Variants in PPCS observed in about 807,000 individuals in gnomAD.
PPCS encodes the protein phosphopantothenoylcysteine synthetase, also known as phosphopantothenate--cysteine ligase.
Under a neutral mutation model 24.6 loss-of-function variants are expected in PPCS, and 17 were observed. The ratio of observed to expected loss-of-function variants is 0.69; its 90% CI spans 0.47 to 1.04. The LOEUF is 1.04. Ranked by LOEUF, PPCS falls within the 50% of genes least tolerant of loss-of-function variation. The probability of loss-of-function intolerance (pLI) is 0.00; values close to 1 mark genes in which losing one functional copy is unlikely to be tolerated. For missense variants in PPCS, 360 were observed against 402.8 expected, an observed-to-expected ratio of 0.89 and a Z score of 0.91; for synonymous variants, 190 against 168.3, an observed-to-expected ratio of 1.13 and a Z score of -1.00.
In PPCS at chr1:42,456,802, G is replaced by T. The variant is rs756579479; in HGVS notation, c.237G>T (p.Gly79=). ...AGGCCTTCCTAGCCGCCGGCTACGG[G>T]GTCCTGTTCTTGTATCGCGCTCGCT... The part of the protein sequence containing the change: ...SAEAFLAAGY[G]VLFLYRARSA... Residue 79 remains glycine (G), a synonymous_variant, in exon 1 of 3, where the codon GGG becomes GGT. Coordinates refer to ENST00000372561, the MANE Select transcript of PPCS (RefSeq NM_024664.4). The T allele has an allele frequency of 5.0e-6, 8 of 1,613,338 alleles. No homozygotes were observed. In the South Asian group the frequency reaches 5.5e-5, roughly 11 times the overall value.
chr1:42,468,398 A>G (rs6600404), intron 2 of PPCS, among the ~76,000 whole-genome samples: 30,477 of 152,036 alleles, frequency 0.2, 3,333 homozygotes, highest in South Asian at 0.42. Context: ...AGGAGTAAGG[A>G]GCAAGAAAGG....
At chr1:42,463,519 G>T (rs150941181), downstream of PPCS, 59 of 152,404 alleles carry the variant, frequency 3.9e-4, no homozygotes, top group African/African-American at 1.4e-3. Context: ...ACCCCTCCTG[G>T]CCCGGCCTTT....
In PPCS at chr1:42,459,933, A is replaced by G. The variant is rs1304581111; in HGVS notation, c.*7A>G. The G allele has an allele frequency of 6.3e-7, 1 of 1,594,010 alleles. No individual in the cohort carries two copies. Among genetic ancestry groups the G allele is most frequent in the South Asian group, 1.1e-5 (1 of 88,508 alleles). ...TATAGGTGACAGAAACTGAAGTAAA[A>G]AGCCCTTATAGGATCAAAAATTGTT... On this transcript the variant is annotated 3_prime_UTR_variant, in exon 3 of 3. Coordinates refer to ENST00000372561, the MANE Select transcript of PPCS (RefSeq NM_024664.4).
In PPCS at chr1:42,456,843, C is replaced by T. The variant is rs775690430; in HGVS notation, c.278C>T (p.Ala93Val). The change falls in exon 1 of 3, where the codon GCC becomes GTC. Residue 93 changes from alanine to valine, a missense_variant. This residue lies in a region of PPCS where 244 missense variants were observed against 234.7 expected (regional missense o/e 1.04). Transcript: ENST00000372561. ...CGCGCTCGCTCTGCCTTCCCCTATGCCCACCGCTTCCCACCCCAGACTTGG... is the reference window on the plus strand; with the variant it reads ...CGCGCTCGCTCTGCCTTCCCCTATGTCCACCGCTTCCCACCCCAGACTTGG... ...LYRARSAFPY[A>V]HRFPPQTWLS... 6 of 1,613,372 alleles carry T rather than the reference C, an allele frequency of 3.7e-6. No homozygotes were observed. The South Asian group carries it at 5.5e-5, about 15-fold the overall frequency.
chr1:42,469,897 G>A (rs1268261540), intron 2 of PPCS, among the ~76,000 whole-genome samples: 1 of 152,196 alleles, frequency 6.6e-6, no homozygotes, highest in African/African-American at 2.4e-5. Context: ...AATAGTAACA[G>A]AAACTAGCAA....
chr1:42,468,575 A>G (rs1342238779), intron 2 of PPCS: 1 of 152,260 alleles, frequency 6.6e-6, no homozygotes, highest in East Asian at 1.9e-4. Flanking sequence ...AATAGTAAAT[A>G]TTAAAGGACA....
chr1:42,458,303 A>G (rs376838135), intron 2 of PPCS, among the ~76,000 whole-genome samples: 1 of 152,174 alleles, frequency 6.6e-6, no homozygotes, highest in Admixed American at 6.5e-5. Context: ...GGGCTATTGT[A>G]GGTTAAGGAA....
Position 42,456,674 on chromosome 1 carries a change from G to A in PPCS, c.109G>A (p.Val37Met). Residue 37 changes from valine to methionine, a missense_variant, in exon 1 of 3, where the codon GTG (valine) becomes ATG (methionine). This residue lies in a region of PPCS where 244 missense variants were observed against 234.7 expected (regional missense o/e 1.04). Transcript: ENST00000372561. ...AARLGAQGRRVVLVTSGGTKV... is the reference protein window; with the variant it reads ...AARLGAQGRRMVLVTSGGTKV... Reference sequence around the variant, plus strand: ...CAGGCTGGGCGCGCAGGGCCGGCGGGTGGTGTTGGTTACGTCAGGCGGCAC... The same window carrying A: ...CAGGCTGGGCGCGCAGGGCCGGCGGATGGTGTTGGTTACGTCAGGCGGCAC... 1 of 1,604,566 alleles carries A rather than the reference G, an allele frequency of 6.2e-7. No individual in the cohort carries two copies. Among genetic ancestry groups the A allele is most frequent in the East Asian group, 2.2e-5 (1 of 44,844 alleles).
At chr1:42,458,610 G>C (rs1012489528) in intron 2 of PPCS, among the ~76,000 whole-genome samples, 2 of 152,190 alleles carry the variant, frequency 1.3e-5, no homozygotes, top group African/African-American at 2.4e-5. Flanking sequence ...GAAAAATAAA[G>C]TATAAATAAA....
Position 42,456,549 on chromosome 1 carries a change from C to T in PPCS, c.-17C>T, listed in dbSNP as rs527252238. ...GCGGCCGCGAAACGTGCGCAGGCGC[C>T]GGCCGCTGCGCTGCAGATGGCGGAA... On this transcript the variant is annotated 5_prime_UTR_variant, in exon 1 of 3. Coordinates refer to ENST00000372561, the MANE Select transcript of PPCS (RefSeq NM_024664.4). 1.4e-6 allele frequency: 2 copies of T among 1,452,134 alleles called. No homozygotes were observed. The highest frequency in any genetic ancestry group is 1.4e-5 in the South Asian group (1 of 69,766). The allele number at this position is 1,452,134 out of a possible 1,614,324, so 90.0% of individuals were successfully genotyped here. A position where few individuals can be genotyped will look rare whatever the true frequency, so the allele number is the denominator to read the frequency against.
chr1:42,459,456 C>G lies in PPCS; in HGVS notation c.613-147C>G, dbSNP rs1350310675. On this transcript the variant is annotated intron_variant, in intron 2 of 2. Transcript: ENST00000372561. ...GATTACAGGCCAAGCCACTGTGTTC[C>G]CCTAAGACTTTTTAAACTAAACATT... is the stretch of plus-strand genomic sequence containing the variant. The G allele has an allele frequency of 2.3e-5, 17 of 738,320 alleles. No homozygotes were observed. In the African/African-American group the frequency reaches 3.0e-4, roughly 13 times the overall value. The allele number at this position is 738,320 out of a possible 1,614,324, so 45.7% of individuals were successfully genotyped here.
intron 2 of PPCS, 81 bp downstream of exon 2, chr1:42,457,431 TTCTGCATCTGTA>T: frequency 8.1e-7 from 1 of 1,230,936 alleles, no homozygotes; most frequent in Non-Finnish European, 1.2e-6. Context: ...GAGATGGCCT[TTCTGCATCTGTA>T]TTCGCTAGGC....
chr1:42,465,829 G>T (rs903511616), downstream of PPCS, among the ~76,000 whole-genome samples: 23 of 152,172 alleles, frequency 1.5e-4, no homozygotes, highest in African/African-American at 1.9e-4. Flanking sequence ...GCACAGAACT[G>T]CCTCCACAAC....
intron 2 of PPCS, chr1:42,473,052 A>C: frequency 8.2e-7 from 1 of 1,213,538 alleles, no homozygotes; most frequent in Non-Finnish European, 1.0e-6. Context: ...TGGCACCCAC[A>C]TAGATATCTT....
intron 2 of PPCS, among the ~76,000 whole-genome samples, chr1:42,469,657 G>A (rs995495836): frequency 1.2e-4 from 19 of 152,134 alleles, no homozygotes; most frequent in Admixed American, 1.3e-4. Flanking sequence ...ACAGGTAAAG[G>A]GATTAACCTT....
Position 42,473,202 on chromosome 1 carries a change from CTGTT to C in PPCS, n.461_464del, listed in dbSNP as rs566586563. 9.7e-5 allele frequency: 120 copies of C among 1,231,380 alleles called. No homozygotes were observed. The South Asian group carries it at 4.0e-3, about 41-fold the overall frequency. The allele number at this position is 1,231,380 out of a possible 1,614,324, so 76.3% of individuals were successfully genotyped here. A position where few individuals can be genotyped will look rare whatever the true frequency, so the allele number is the denominator to read the frequency against. On this transcript the variant is annotated non_coding_transcript_exon_variant, in exon 3 of 3. Coordinates refer to the PPCS transcript ENST00000471420. ...CCCTTGCTACTACAGAAGAACAACTCTGTTTGGTGCTTATTCCAGCCAGCACAGT... is the reference window on the plus strand; with the variant it reads ...CCCTTGCTACTACAGAAGAACAACTCTGGTGCTTATTCCAGCCAGCACAGT...
At chr1:42,457,113 G>A (rs778995316) in intron 1 of PPCS, 40 bp downstream of exon 1, 1 of 1,575,560 alleles carries the variant, frequency 6.3e-7, no homozygotes, top group South Asian at 1.2e-5. Flanking sequence ...TGGAAGCACA[G>A]CCTTTCTTTC....
At chr1:42,465,651 C>CA (rs1294165484), downstream of PPCS, among the ~76,000 whole-genome samples, 6 of 152,292 alleles carry the variant, frequency 3.9e-5, no homozygotes, top group African/African-American at 1.2e-4. Flanking sequence ...AAGTGTGAGC[C>CA]ACGGTACCCG....
At chr1:42,459,312 G>A (rs1255335531) in intron 2 of PPCS, 6 of 336,232 alleles carry the variant, frequency 1.8e-5, no homozygotes, top group African/African-American at 6.3e-5. Flanking sequence ...ACAGGTGGGT[G>A]CCACCATGCT....
Sources: gnomAD v4.1 joint callset for allele counts (sites outside exome capture counted in the v4.1 genomes callset) on GRCh38, gnomAD v4.1.1 for gene constraint, gnomAD v4.1.1 regional missense constraint, MANE v1.5 for transcripts, NCBI Gene and HGNC (gene_info 2026-07-23, HGNC 2026-07-21) for gene names.